Variants in CDH9 observed in about 807,000 individuals in gnomAD.
CDH9 encodes the protein cadherin-9.
Under a neutral mutation model 70.9 loss-of-function variants are expected in CDH9, and 28 were observed. The ratio of observed to expected loss-of-function variants is 0.40; its 90% CI spans 0.29 to 0.54. The LOEUF (loss-of-function observed/expected upper bound fraction) is 0.54. Among genes scored for constraint, CDH9 ranks in the 20% least tolerant of loss-of-function variants. CDH9 has a pLI of 0.59. For synonymous variants in CDH9, 409 were observed against 343.1 expected, an observed-to-expected ratio of 1.19 and a Z score of -2.12; for missense variants, 874 against 984.4, an observed-to-expected ratio of 0.89 and a Z score of 1.50.
intron 2 of CDH9, among the ~76,000 whole-genome samples, chr5:26,937,172 C>T (rs988022174): frequency 6.6e-6 from 1 of 152,022 alleles, no homozygotes; most frequent in African/African-American, 2.4e-5. Context: ...GTACAAAGAA[C>T]TCTTAAGAAA....
At chr5:27,003,237 T>C (rs1170338925) in intron 1 of CDH9, among the ~76,000 whole-genome samples, 2 of 152,142 alleles carry the variant, frequency 1.3e-5, no homozygotes, top group African/African-American at 4.8e-5. Flanking sequence ...TTGGATGTTC[T>C]ACCTGTATCT....
intron 2 of CDH9, among the ~76,000 whole-genome samples, chr5:26,966,903 T>C (rs562477145): frequency 6.6e-6 from 1 of 152,206 alleles, no homozygotes; most frequent in Admixed American, 6.6e-5. Flanking sequence ...TCATCTTCTC[T>C]CTGCTTTAAA....
intron 3 of CDH9, among the ~76,000 whole-genome samples, chr5:26,911,853 T>C (rs1741059661): frequency 6.6e-6 from 1 of 152,080 alleles, no homozygotes; most frequent in Admixed American, 6.6e-5. Flanking sequence ...CGAAAATGGG[T>C]TGGGCATTTG....
chr5:26,898,286 C>G (rs1262007763), intron 7 of CDH9, among the ~76,000 whole-genome samples: 3 of 152,112 alleles, frequency 2.0e-5, no homozygotes, highest in Non-Finnish European at 4.4e-5. Context: ...CCCCATCAAG[C>G]CACCATTGAC....
intron 1 of CDH9, among the ~76,000 whole-genome samples, chr5:27,017,736 G>A (rs1743069920): frequency 6.6e-6 from 1 of 151,934 alleles, no homozygotes; most frequent in South Asian, 2.1e-4. Flanking sequence ...TGTTTAGAAA[G>A]TTGCCATTAA....
At chr5:26,920,846 C>A (rs575697396) in intron 2 of CDH9, among the ~76,000 whole-genome samples, 204 of 152,260 alleles carry the variant, frequency 1.3e-3, no homozygotes, top group African/African-American at 3.9e-3. Flanking sequence ...CCAAAGATTA[C>A]AACACCCATG....
rs140157999 is a variant in CDH9, at chr5:26,908,116, T to A, written c.524-1278A>T. 2.7e-4 allele frequency among the ~76,000 whole-genome samples: 41 copies of A among 152,298 alleles called. No homozygotes were observed. In the East Asian group the frequency reaches 7.9e-3, roughly 29 times the overall value. ...AATTAATTAGCATAACAATGACAAC[T>A]TGAGCTCATTCTCTTGAGGCCTCTG... On this transcript the variant is annotated intron_variant, in intron 3 of 11. Coordinates refer to ENST00000231021, the MANE Select transcript of CDH9 (RefSeq NM_016279.4).
intron 1 of CDH9, among the ~76,000 whole-genome samples, chr5:27,023,423 C>G (rs2112127808): frequency 6.6e-6 from 1 of 152,108 alleles, no homozygotes; most frequent in South Asian, 2.1e-4. Context: ...ATGCTTAATA[C>G]AATGCCATAT....
At chr5:26,947,057 A>G (rs1741767117) in intron 2 of CDH9, among the ~76,000 whole-genome samples, 1 of 152,178 alleles carries the variant, frequency 6.6e-6, no homozygotes, top group South Asian at 2.1e-4. Context: ...TTATGTATGA[A>G]GATGACCTGC....
chr5:26,886,326 GCATTA>G (rs1740566702), intron 9 of CDH9, among the ~76,000 whole-genome samples: 2 of 152,032 alleles, frequency 1.3e-5, no homozygotes, highest in Admixed American at 6.6e-5. Flanking sequence ...GTATCTTAAT[GCATTA>G]TTGTCTTATA....
intron 2 of CDH9, among the ~76,000 whole-genome samples, chr5:26,943,979 A>G (rs1037209512): frequency 3.9e-5 from 6 of 152,156 alleles, no homozygotes; most frequent in Non-Finnish European, 8.8e-5. Flanking sequence ...AAATTTGATT[A>G]TTATATTTCT....
intron 11 of CDH9, among the ~76,000 whole-genome samples, chr5:26,881,859 C>T (rs2111962036): frequency 6.6e-6 from 1 of 152,158 alleles, no homozygotes; most frequent in African/African-American, 2.4e-5. Flanking sequence ...CTCCTATGAA[C>T]TTCTGGCTTT....
At chr5:26,973,020 C>T (rs2115310) in intron 2 of CDH9, among the ~76,000 whole-genome samples, 1 of 151,862 alleles carries the variant, frequency 6.6e-6, no homozygotes, top group Admixed American at 6.6e-5. Context: ...TGTGCTACCA[C>T]ACTCGGCTAA....
rs1740513720 is a variant in CDH9, at chr5:26,883,742, A to T, written c.1882+1872T>A. On this transcript the variant is annotated intron_variant, in intron 11 of 11. Coordinates refer to ENST00000231021, the MANE Select transcript of CDH9 (RefSeq NM_016279.4). ...TACATGTTTTACTCTAATAAATTTAAATCATCATTCTGGCTAGATCCATTC... is the reference window on the plus strand; with the variant it reads ...TACATGTTTTACTCTAATAAATTTATATCATCATTCTGGCTAGATCCATTC... 1.3e-5 allele frequency among the ~76,000 whole-genome samples: 2 copies of T among 151,580 alleles called. 1 individual carries two copies. Among genetic ancestry groups the T allele is most frequent in the Non-Finnish European group, 2.9e-5 (2 of 67,906 alleles).
chr5:26,901,434 A>T (rs1740852028), intron 7 of CDH9, among the ~76,000 whole-genome samples: 1 of 151,942 alleles, frequency 6.6e-6, no homozygotes, highest in Non-Finnish European at 1.5e-5. Context: ...TCATCATTAA[A>T]ATATATTTAG....
At chr5:26,962,470 A>G (rs1156357629) in intron 2 of CDH9, among the ~76,000 whole-genome samples, 1 of 152,102 alleles carries the variant, frequency 6.6e-6, no homozygotes, top group Non-Finnish European at 1.5e-5. Context: ...TCTCCACATC[A>G]TCTCCAGCAT....
At chr5:26,973,429 C>A (rs916555762) in intron 2 of CDH9, among the ~76,000 whole-genome samples, 4 of 151,276 alleles carry the variant, frequency 2.6e-5, no homozygotes, top group African/African-American at 9.8e-5. Context: ...TTTTTAGTAT[C>A]TATTTTATTT....
At chr5:27,000,347 C>T (rs1040108466) in intron 1 of CDH9, among the ~76,000 whole-genome samples, 1 of 151,994 alleles carries the variant, frequency 6.6e-6, no homozygotes, top group Non-Finnish European at 1.5e-5. Flanking sequence ...TGGTGAAAAT[C>T]CAAAAATTGA....
intron 1 of CDH9, among the ~76,000 whole-genome samples, chr5:27,003,403 GAGTAA>G (rs1226539187): frequency 1.3e-5 from 2 of 152,110 alleles, no homozygotes; most frequent in Non-Finnish European, 2.9e-5. Flanking sequence ...AGGATGCACA[GAGTAA>G]TTTCCTTCCA....
Sources: allele counts gnomAD v4.1 joint callset (sites outside exome capture counted in the v4.1 genomes callset), GRCh38; gene constraint gnomAD v4.1.1; transcripts MANE v1.5; gene names NCBI Gene and HGNC (gene_info 2026-07-23, HGNC 2026-07-21).